MIR2052HG: variants seen among roughly 807,000 people sequenced by gnomAD.
MIR2052HG encodes MIR2052 host gene.
intron 1 of MIR2052HG, among the ~76,000 whole-genome samples, chr8:74,611,114 A>G (rs1368621442): frequency 6.6e-6 from 1 of 152,114 alleles, no homozygotes; most frequent in Non-Finnish European, 1.5e-5. Context: ...GAACATAAAA[A>G]TCTTTCAAAA....
chr8:74,711,954 A>G (rs1166682052), intron 4 of MIR2052HG, among the ~76,000 whole-genome samples: 3 of 152,108 alleles, frequency 2.0e-5, no homozygotes, highest in African/African-American at 4.8e-5. Flanking sequence ...AGCAGATGGG[A>G]GGCTTCTGGA....
intron 2 of MIR2052HG, among the ~76,000 whole-genome samples, chr8:74,652,546 TCAGA>T (rs1808764039): frequency 1.3e-5 from 2 of 152,162 alleles, no homozygotes; most frequent in Admixed American, 6.5e-5. Flanking sequence ...TTATTCTGAC[TCAGA>T]CAGAGTTACT....
At chr8:74,681,296 A>C (rs1054997476) in intron 2 of MIR2052HG, among the ~76,000 whole-genome samples, 21 of 151,922 alleles carry the variant, frequency 1.4e-4, no homozygotes, top group African/African-American at 5.1e-4. Context: ...TCCAGCAAAA[A>C]ATTAAGATTT....
chr8:74,642,259 G>A (rs766255753), intron 2 of MIR2052HG, among the ~76,000 whole-genome samples: 5 of 151,882 alleles, frequency 3.3e-5, no homozygotes, highest in Non-Finnish European at 7.4e-5. Context: ...TAATGTGCGC[G>A]GTTTCCAAGG....
At chr8:74,701,909 T>C (rs1167086216) in intron 2 of MIR2052HG, among the ~76,000 whole-genome samples, 2 of 152,086 alleles carry the variant, frequency 1.3e-5, no homozygotes, top group African/African-American at 2.4e-5. Context: ...TGGCATGCAA[T>C]GACAAAACAA....
chr8:74,638,741 C>G (rs1410355036), intron 2 of MIR2052HG, among the ~76,000 whole-genome samples: 1 of 152,122 alleles, frequency 6.6e-6, no homozygotes, highest in Non-Finnish European at 1.5e-5. Context: ...TTGATGGTCT[C>G]TTGGAATACC....
chr8:74,615,768 C>A (rs989127573), intron 2 of MIR2052HG, among the ~76,000 whole-genome samples: 11 of 151,962 alleles, frequency 7.2e-5, no homozygotes, highest in Admixed American at 3.9e-4. Context: ...CCACTCCCCC[C>A]ACCCCACAAC....
At chr8:74,621,400 C>T (rs1388808220) in intron 2 of MIR2052HG, among the ~76,000 whole-genome samples, 1 of 152,158 alleles carries the variant, frequency 6.6e-6, no homozygotes, top group Non-Finnish European at 1.5e-5. Context: ...TCTCACACTG[C>T]TATGAAAAAA....
intron 1 of MIR2052HG, among the ~76,000 whole-genome samples, chr8:74,602,837 C>CTTTCTTTCTTTCTTTCTTTCTTTCTTTA (rs1563508551): frequency 7.2e-6 from 1 of 137,932 alleles, no homozygotes; most frequent in African/African-American, 2.8e-5. Context: ...TTCTTTCTTT[C>CTTTCTTTCTTTCTTTCTTTCTTTCTTTA]TTTCTTTCTT....
chr8:74,696,972 A>G (rs1318183018), intron 2 of MIR2052HG, among the ~76,000 whole-genome samples: 1 of 152,140 alleles, frequency 6.6e-6, no homozygotes, highest in African/African-American at 2.4e-5. Context: ...TCATTCTATA[A>G]TAATGATAAA....
chr8:74,743,159 G>A (rs1809849955), intron 4 of MIR2052HG, among the ~76,000 whole-genome samples: 1 of 151,756 alleles, frequency 6.6e-6, no homozygotes, highest in South Asian at 2.1e-4. Flanking sequence ...ATAAGCAAAT[G>A]TGAACAGACT....
chr8:74,741,616 G>A (rs192575428), intron 4 of MIR2052HG, among the ~76,000 whole-genome samples: 49 of 152,172 alleles, frequency 3.2e-4, no homozygotes, highest in Non-Finnish European at 5.4e-4. Context: ...ATAAAAATTG[G>A]CAAATTTCTG....
intron 4 of MIR2052HG, among the ~76,000 whole-genome samples, chr8:74,706,832 C>CTTT (rs1809415794): frequency 6.6e-6 from 1 of 151,926 alleles, no homozygotes; most frequent in Non-Finnish European, 1.5e-5. Flanking sequence ...TTTTCACAAG[C>CTTT]TTCTTGGCGG....
chr8:74,603,648 T>C, intron 1 of MIR2052HG: 2 of 1,228,906 alleles, frequency 1.6e-6, no homozygotes, highest in South Asian at 1.2e-5. Context: ...TGGCAAACTG[T>C]CCTTGAAGGG....
chr8:74,656,133 G>A (rs1808804050), intron 2 of MIR2052HG, among the ~76,000 whole-genome samples: 2 of 152,170 alleles, frequency 1.3e-5, no homozygotes, highest in African/African-American at 4.8e-5. Context: ...TATCTAGGAA[G>A]TAACTAGCTT....
At chr8:74,655,509 A>G (rs1235630821) in intron 2 of MIR2052HG, among the ~76,000 whole-genome samples, 5 of 152,318 alleles carry the variant, frequency 3.3e-5, no homozygotes, top group Middle Eastern at 6.8e-3. Context: ...CAGCTCGGCC[A>G]TGGTTTCAGA....
At chr8:74,731,239 G>A (rs1477108505) in intron 4 of MIR2052HG, among the ~76,000 whole-genome samples, 3 of 152,188 alleles carry the variant, frequency 2.0e-5, no homozygotes, top group South Asian at 4.1e-4. Context: ...CTGAAAGTTA[G>A]CAACAGGGAC....
chr8:74,710,446 G>T (rs571625358), intron 4 of MIR2052HG, among the ~76,000 whole-genome samples: 3 of 152,244 alleles, frequency 2.0e-5, no homozygotes, highest in African/African-American at 7.2e-5. Flanking sequence ...ATTGTGCTTA[G>T]GGATGGTCTG....
chr8:74,669,305 G>C (rs2128737826), intron 2 of MIR2052HG, among the ~76,000 whole-genome samples: 1 of 152,206 alleles, frequency 6.6e-6, no homozygotes. Context: ...TCAACATTCT[G>C]TCAGCCCTGC....
Sources: allele counts gnomAD v4.1 joint callset (sites outside exome capture counted in the v4.1 genomes callset), GRCh38; gene constraint gnomAD v4.1.1; transcripts MANE v1.5; gene names NCBI Gene and HGNC (gene_info 2026-07-23, HGNC 2026-07-21).